CPNE4: variants seen among roughly 807,000 people sequenced by gnomAD.
CPNE4 encodes the protein copine 4.
In CPNE4, 25 loss-of-function variants were observed where a neutral mutation model predicts 67.9. The observed-to-expected ratio is 0.37, with a 90% confidence interval of 0.27 to 0.51. The LOEUF is 0.51. Among genes scored for constraint, CPNE4 ranks in the 20% least tolerant of loss-of-function variants. The probability of loss-of-function intolerance (pLI) is 0.93; values close to 1 mark genes in which losing one functional copy is unlikely to be tolerated. For synonymous variants in CPNE4, 242 were observed against 244.9 expected, an observed-to-expected ratio of 0.99 and a Z score of 0.11; for missense variants, 464 against 690.8, an observed-to-expected ratio of 0.67 and a Z score of 3.68.
chr3:131,961,475 T>C (rs942808538), intron 1 of CPNE4, among the ~76,000 whole-genome samples: 2 of 152,098 alleles, frequency 1.3e-5, no homozygotes, highest in Non-Finnish European at 2.9e-5. Context: ...ATCCCAGGGA[T>C]AGGAATTGAG....
intron 1 of CPNE4, among the ~76,000 whole-genome samples, chr3:131,965,322 T>G (rs577010549): frequency 1.3e-5 from 2 of 152,274 alleles, no homozygotes; most frequent in East Asian, 3.9e-4. Context: ...TCAACTAATG[T>G]GCAAAATAAC....
chr3:131,567,658 G>A (rs1174418923), intron 10 of CPNE4, among the ~76,000 whole-genome samples: 2 of 151,880 alleles, frequency 1.3e-5, no homozygotes, highest in Non-Finnish European at 2.9e-5. Context: ...GCTTAACTAG[G>A]GTGGGGCAAA....
chr3:131,624,715 G>GA (rs2079019186), intron 7 of CPNE4, among the ~76,000 whole-genome samples: 1 of 152,064 alleles, frequency 6.6e-6, no homozygotes, highest in African/African-American at 2.4e-5. Context: ...AATTTTTCAG[G>GA]AGGCAAACAT....
intron 11 of CPNE4, among the ~76,000 whole-genome samples, chr3:131,560,636 G>A (rs1033021602): frequency 6.6e-6 from 1 of 151,896 alleles, no homozygotes; most frequent in Non-Finnish European, 1.5e-5. Context: ...TGAGATTGTG[G>A]GCTACTTGGG....
chr3:131,956,492 T>G (rs1301723399), intron 1 of CPNE4, among the ~76,000 whole-genome samples: 1 of 152,216 alleles, frequency 6.6e-6, no homozygotes, highest in Non-Finnish European at 1.5e-5. Context: ...AGCTTGAAAT[T>G]TATGAAACAG....
chr3:131,706,615 A>T (rs2081419882), intron 3 of CPNE4, among the ~76,000 whole-genome samples: 1 of 152,028 alleles, frequency 6.6e-6, no homozygotes, highest in Non-Finnish European at 1.5e-5. Context: ...GCCTCATTAT[A>T]CCCTCCTCCC....
In CPNE4 at chr3:131,956,474, A is replaced by G. The variant is rs568740363; in HGVS notation, c.-1-51030T>C. ...CTTAAGTATTAGAATAATTTACATTAAAAATGTAGCTTGAAATTTATGAAA... is the reference window on the plus strand; with the variant it reads ...CTTAAGTATTAGAATAATTTACATTGAAAATGTAGCTTGAAATTTATGAAA... On this transcript the variant is annotated intron_variant, in intron 1 of 15. Transcript: ENST00000429747. Among the ~76,000 whole-genome samples, 6 of 152,330 alleles carry G rather than the reference A, an allele frequency of 3.9e-5. No individual in the cohort carries two copies. In the East Asian group the frequency reaches 1.2e-3, roughly 29 times the overall value.
chr3:131,966,542 C>T (rs2107934831), intron 1 of CPNE4, among the ~76,000 whole-genome samples: 1 of 152,244 alleles, frequency 6.6e-6, no homozygotes, highest in East Asian at 1.9e-4. Context: ...AAGGGGATAT[C>T]ACCACTGATC....
chr3:131,897,268 G>A (rs757134027), intron 2 of CPNE4, among the ~76,000 whole-genome samples: 8 of 152,012 alleles, frequency 5.3e-5, no homozygotes, highest in African/African-American at 1.2e-4. Context: ...CACTAGTCTC[G>A]TGACCTGAAC....
At chr3:131,706,480 T>C (rs1408239844) in intron 3 of CPNE4, among the ~76,000 whole-genome samples, 1 of 152,198 alleles carries the variant, frequency 6.6e-6, no homozygotes, top group Non-Finnish European at 1.5e-5. Flanking sequence ...TACAGAATCG[T>C]AAACCGAAAT....
Position 131,967,235 on chromosome 3 carries a change from G to C in CPNE4, c.-1-61791C>G, listed in dbSNP as rs746821635. ...GATGGAACATATCTAAAAATAATAA[G>C]AGCTATTTATGACAAGCCCACAGCC... is the stretch of plus-strand genomic sequence containing the variant. On this transcript the variant is annotated intron_variant, in intron 1 of 15. Transcript: ENST00000429747. Among the ~76,000 whole-genome samples the C allele has an allele frequency of 2.0e-5, 3 of 152,184 alleles. No individual in the cohort carries two copies. In the South Asian group the frequency reaches 6.2e-4, roughly 32 times the overall value.
intron 1 of CPNE4, among the ~76,000 whole-genome samples, chr3:132,019,552 G>GT (rs2073950577): frequency 1.3e-5 from 2 of 152,184 alleles, no homozygotes; most frequent in African/African-American, 4.8e-5. Context: ...AATAGGAAAG[G>GT]TTTACAATCA....
intron 7 of CPNE4, among the ~76,000 whole-genome samples, chr3:131,609,005 C>T (rs535235319): frequency 2.5e-4 from 38 of 152,260 alleles, no homozygotes; most frequent in African/African-American, 8.7e-4. Flanking sequence ...AGATACTCCT[C>T]CTCCAATTTC....
Position 131,922,229 on chromosome 3 carries a change from A to T in CPNE4, c.-1-16785T>A, listed in dbSNP as rs375966068. ...AGGATAATGGCCTCCAGCTGCATTC[A>T]TGTTGCTACAAAGGATATGATTTTG... On this transcript the variant is annotated intron_variant, in intron 1 of 15. Coordinates refer to ENST00000429747, the MANE Select transcript of CPNE4 (RefSeq NM_130808.3). Among the ~76,000 whole-genome samples, 55 of 152,264 alleles carry T rather than the reference A, an allele frequency of 3.6e-4. 1 individual carries two copies. In the South Asian group the frequency reaches 7.5e-3, roughly 21 times the overall value.
chr3:131,654,608 G>A (rs998190616), intron 7 of CPNE4, among the ~76,000 whole-genome samples: 4 of 152,172 alleles, frequency 2.6e-5, no homozygotes, highest in African/African-American at 7.2e-5. Flanking sequence ...ACTGGGGCCA[G>A]CTTTAGCAAC....
At chr3:131,886,622 G>A (rs2087904791) in intron 2 of CPNE4, among the ~76,000 whole-genome samples, 1 of 152,194 alleles carries the variant, frequency 6.6e-6, no homozygotes, top group Non-Finnish European at 1.5e-5. Context: ...AAAGCAGCTG[G>A]GAGGGAGGCT....
chr3:131,682,418 G>T (rs909794554), intron 6 of CPNE4, among the ~76,000 whole-genome samples: 4 of 152,082 alleles, frequency 2.6e-5, no homozygotes, highest in Non-Finnish European at 5.9e-5. Flanking sequence ...GGTGGTCTTG[G>T]ATAAGATCTG....
At chr3:131,796,917 A>C (rs1277728946) in intron 2 of CPNE4, among the ~76,000 whole-genome samples, 4 of 152,220 alleles carry the variant, frequency 2.6e-5, no homozygotes, top group Non-Finnish European at 5.9e-5. Context: ...CTTTCTTTGC[A>C]AAAGTAACAA....
intron 1 of CPNE4, among the ~76,000 whole-genome samples, chr3:131,984,194 G>A (rs928676535): frequency 1.3e-5 from 2 of 152,118 alleles, no homozygotes; most frequent in African/African-American, 4.8e-5. Flanking sequence ...AATGGTAAGT[G>A]ACTGAGTAAA....
Sources: allele counts gnomAD v4.1 joint callset (sites outside exome capture counted in the v4.1 genomes callset), GRCh38; gene constraint gnomAD v4.1.1; transcripts MANE v1.5; gene names NCBI Gene and HGNC (gene_info 2026-07-23, HGNC 2026-07-21).